SEMA3E: variants seen among roughly 807,000 people sequenced by gnomAD.
SEMA3E encodes the protein semaphorin 3E, also known as semaphorin-3E.
Under a neutral mutation model 93.6 loss-of-function variants are expected in SEMA3E, and 49 were observed. The observed-to-expected ratio is 0.52, with a 90% CI of 0.42 to 0.66. The LOEUF (loss-of-function observed/expected upper bound fraction) is 0.66, where lower values mean the gene tolerates loss of function less well. SEMA3E is among the 30% of genes least tolerant of loss of function. SEMA3E has a pLI of 0.00. For missense variants in SEMA3E, 906 were observed against 964.8 expected (o/e 0.94, Z 0.81); for synonymous variants, 363 against 330.7 (o/e 1.10, Z -1.06).
intron 4 of SEMA3E, among the ~76,000 whole-genome samples, chr7:83,447,852 T>A (rs1202223119): frequency 6.6e-6 from 1 of 152,206 alleles, no homozygotes; most frequent in Non-Finnish European, 1.5e-5. Flanking sequence ...TGTTTGAGGC[T>A]CATATATTGT....
intron 8 of SEMA3E, 53 bp downstream of exon 8, chr7:83,405,892 A>T: frequency 7.9e-7 from 1 of 1,264,344 alleles, no homozygotes; most frequent in Non-Finnish European, 1.2e-6. Context: ...GGATAAAGTT[A>T]TAAAGAAGCA....
intron 1 of SEMA3E, among the ~76,000 whole-genome samples, chr7:83,635,656 TTATAGA>T (rs1288958717): frequency 6.6e-6 from 1 of 151,988 alleles, no homozygotes; most frequent in Non-Finnish European, 1.5e-5. Context: ...TTTTCTTGGC[TTATAGA>T]TATAGTAAAA....
At chr7:83,632,809 C>G (rs1246970631) in intron 1 of SEMA3E, among the ~76,000 whole-genome samples, 1 of 152,172 alleles carries the variant, frequency 6.6e-6, no homozygotes, top group African/African-American at 2.4e-5. Context: ...TAGGTAAGTA[C>G]TTGCTCTTCA....
intron 1 of SEMA3E, among the ~76,000 whole-genome samples, chr7:83,605,276 C>T (rs1445624020): frequency 6.6e-6 from 1 of 152,150 alleles, no homozygotes; most frequent in African/African-American, 2.4e-5. Flanking sequence ...TATTTCTCCA[C>T]AGACTTGCCG....
At position 83,437,552 on chromosome 7, in the gene SEMA3E, G is replaced by T. The variant is rs943510127; in HGVS notation, c.457-19069C>A. Among the ~76,000 whole-genome samples the T allele has an allele frequency of 5.3e-5, 8 of 152,042 alleles. No individual in the cohort carries two copies. In the East Asian group the frequency reaches 1.5e-3, roughly 29 times the overall value. ...ATTTTAAACATAAAAATCAGTGAAA[G>T]TTGAATTTTTAAAATGAACAAAGGA... On this transcript the variant is annotated intron_variant, in intron 4 of 16. Coordinates refer to ENST00000643230, the MANE Select transcript of SEMA3E (RefSeq NM_012431.3).
intron 1 of SEMA3E, chr7:83,641,308 T>A: frequency 1.2e-6 from 1 of 829,268 alleles, no homozygotes; most frequent in Non-Finnish European, 1.5e-6. Context: ...TGTCAGGAAC[T>A]GTGCATGGCA....
In SEMA3E at chr7:83,423,392, A is replaced by G. The variant is rs544513893; in HGVS notation, c.457-4909T>C. ...TTTCTCCAGAAGACTTCAAATACCT[A>G]TCTCACATTTATTTGATTAATGGCT... On this transcript the variant is annotated intron_variant, in intron 4 of 16. Transcript: ENST00000643230. Among the ~76,000 whole-genome samples, 8 of 152,236 alleles carry G rather than the reference A, an allele frequency of 5.3e-5. 1 individual carries two copies. Among genetic ancestry groups the G allele is most frequent in the African/African-American group, 1.7e-4 (7 of 41,536 alleles).
chr7:83,467,767 G>A (rs1789801098), intron 3 of SEMA3E, among the ~76,000 whole-genome samples: 1 of 152,210 alleles, frequency 6.6e-6, no homozygotes, highest in African/African-American at 2.4e-5. Flanking sequence ...TAAGCTTCTT[G>A]AGGGCAGAAT....
chr7:83,591,443 GAATA>G (rs1332247827), intron 1 of SEMA3E, among the ~76,000 whole-genome samples: 5 of 151,202 alleles, frequency 3.3e-5, no homozygotes, highest in African/African-American at 1.2e-4. Context: ...TTATATTTAT[GAATA>G]AATAAATATA....
At position 83,645,719 on chromosome 7, in the gene SEMA3E, T is replaced by TTC. The variant is rs57724559; in HGVS notation, c.115+2707_115+2708dup. Among the ~76,000 whole-genome samples, 679 of 146,554 alleles carry TTC rather than the reference T, an allele frequency of 4.6e-3. 1 individual carries two copies. The highest frequency in any genetic ancestry group is 0.014 in the South Asian group (64 of 4,598). On this transcript the variant is annotated intron_variant, in intron 1 of 16. Coordinates refer to ENST00000643230, the MANE Select transcript of SEMA3E (RefSeq NM_012431.3). ...CTTACTACCCTTGTACCTTGTCTCC[T>TTC]TCTCTCTCTCTCTCTCTCTCTCTCT...
intron 1 of SEMA3E, among the ~76,000 whole-genome samples, chr7:83,562,857 C>T (rs919979162): frequency 1.3e-5 from 2 of 152,150 alleles, no homozygotes; most frequent in African/African-American, 4.8e-5. Flanking sequence ...AAAATCTCAT[C>T]AGAATCCCAA....
chr7:83,376,637 T>C (rs10259505), intron 16 of SEMA3E, among the ~76,000 whole-genome samples: 5,397 of 152,012 alleles, frequency 0.036, 318 homozygotes, highest in African/African-American at 0.12. Flanking sequence ...AAGGCAGAGT[T>C]GAAAAATGCC....
At position 83,400,230 on chromosome 7, in the gene SEMA3E, T is replaced by A; in HGVS notation, c.1164A>T (p.Gly388=). 1 of 1,613,972 alleles carries A rather than the reference T, an allele frequency of 6.2e-7. No homozygotes were observed. Among genetic ancestry groups the A allele is most frequent in the Non-Finnish European group, 8.5e-7 (1 of 1,179,902 alleles). The change falls in exon 11 of 17, where the codon GGA becomes GGT. Residue 388 remains glycine, a synonymous_variant. Transcript: ENST00000643230. Reference sequence around the variant, plus strand: ...AGTCCTTGGTGGTTCCGTATCTCCCTCCATTTACTTTGCTGGCACACTGAA... The same window carrying A: ...AGTCCTTGGTGGTTCCGTATCTCCCACCATTTACTTTGCTGGCACACTGAA... ...RPGSCASKVN[G]GRYGTTKDYP...
intron 1 of SEMA3E, among the ~76,000 whole-genome samples, chr7:83,559,328 A>G (rs1791980040): frequency 2.0e-5 from 3 of 152,094 alleles, no homozygotes; most frequent in Admixed American, 1.3e-4. Context: ...GTCATCTTAA[A>G]TGTTTTGTTA....
intron 1 of SEMA3E, among the ~76,000 whole-genome samples, chr7:83,567,463 A>G (rs1316459095): frequency 6.6e-6 from 1 of 152,148 alleles, no homozygotes; most frequent in Non-Finnish European, 1.5e-5. Context: ...CATTCTTCCT[A>G]TCAGCACATG....
Position 83,606,527 on chromosome 7 carries a change from C to A in SEMA3E, c.115+41901G>T, listed in dbSNP as rs938044554. 5.4e-5 allele frequency among the ~76,000 whole-genome samples: 8 copies of A among 147,074 alleles called. No individual in the cohort carries two copies. In the Admixed American group the frequency reaches 5.6e-4, roughly 10 times the overall value. On this transcript the variant is annotated intron_variant, in intron 1 of 16. Transcript: ENST00000643230. ...TATCGCAAGAACAAAAAACCAAACACCGCATATTCTCACGCATAGGTGGGA... is the reference window on the plus strand; with the variant it reads ...TATCGCAAGAACAAAAAACCAAACAACGCATATTCTCACGCATAGGTGGGA...
intron 1 of SEMA3E, among the ~76,000 whole-genome samples, chr7:83,573,783 A>G (rs1253570635): frequency 1.3e-5 from 2 of 152,114 alleles, no homozygotes; most frequent in Admixed American, 1.3e-4. Context: ...GATAATAAAA[A>G]TAACTGCTTA....
intron 4 of SEMA3E, among the ~76,000 whole-genome samples, chr7:83,423,756 C>A (rs551783684): frequency 6.6e-6 from 1 of 151,924 alleles, no homozygotes; most frequent in Non-Finnish European, 1.5e-5. Context: ...CGTGATCCCC[C>A]TGCCTTGGCC....
Position 83,386,992 on chromosome 7 carries a change from G to A in SEMA3E, c.1726C>T (p.Gln576Ter). The change falls in exon 15 of 17, where the codon CAG (glutamine) becomes TAG (stop). Residue 576 changes from glutamine to a stop codon, truncating the protein, a stop_gained. Transcript: ENST00000643230. LOFTEE classifies it high-confidence loss of function. ...ATTTTCTATGGATTACCAACAAACT[G>A]TTGTCCAAAGCACTGCTGAGCTGCA... ...GNAAQQCFGQ[Q>*]FVGDALDKTE... 2 of 1,613,194 alleles carry A rather than the reference G, an allele frequency of 1.2e-6. No individual in the cohort carries two copies. The highest frequency in any genetic ancestry group is 1.7e-6 in the Non-Finnish European group (2 of 1,179,546).
Sources: allele counts gnomAD v4.1 joint callset (sites outside exome capture counted in the v4.1 genomes callset), GRCh38; gene constraint gnomAD v4.1.1; transcripts MANE v1.5; gene names NCBI Gene and HGNC (gene_info 2026-07-23, HGNC 2026-07-21).